The following SEMA3E variants were observed in gnomAD, a reference collection of about 807,000 sequenced individuals.
The protein encoded by SEMA3E is semaphorin 3E.
A neutral mutation model predicts 93.6 loss-of-function variants in SEMA3E; 49 were observed. That is an observed-to-expected ratio of 0.52 (90% CI 0.42 to 0.66). The LOEUF is 0.66. Ranked by LOEUF, SEMA3E falls within the 30% of genes least tolerant of loss-of-function variation. The pLI, the probability that SEMA3E is intolerant of heterozygous loss-of-function variation, is 0.00. For missense variants in SEMA3E, 906 were observed against 964.8 expected (o/e 0.94, Z 0.81); for synonymous variants, 363 against 330.7 (o/e 1.10, Z -1.06).
rs75210759 is a variant in SEMA3E, at chr7:83,410,349, A to G, written c.551-1862T>C. ...AATTTTCAAGATCACAGAGTTTTTAAAAAGATATATTTGTTGAGTTCTTCT... is the reference window on the plus strand; with the variant it reads ...AATTTTCAAGATCACAGAGTTTTTAGAAAGATATATTTGTTGAGTTCTTCT... On this transcript the variant is annotated intron_variant, in intron 5 of 16. Coordinates refer to ENST00000643230, the MANE Select transcript of SEMA3E (RefSeq NM_012431.3). 6.1e-3 allele frequency among the ~76,000 whole-genome samples: 934 copies of G among 152,104 alleles called. 15 individuals are homozygous for G. Among genetic ancestry groups the G allele is most frequent in the African/African-American group, 0.021 (891 of 41,534 alleles).
At chr7:83,549,646 C>T (rs1047112770) in intron 1 of SEMA3E, among the ~76,000 whole-genome samples, 6 of 151,916 alleles carry the variant, frequency 3.9e-5, no homozygotes, top group Non-Finnish European at 7.4e-5. Flanking sequence ...ACATTTTCAC[C>T]AATATTACTA....
At chr7:83,468,055 G>C (rs1287338744) in intron 3 of SEMA3E, among the ~76,000 whole-genome samples, 1 of 152,232 alleles carries the variant, frequency 6.6e-6, no homozygotes, top group Non-Finnish European at 1.5e-5. Flanking sequence ...ATCAATACAT[G>C]CAATCATCAG....
At chr7:83,475,901 A>G (rs1317933082) in intron 2 of SEMA3E, among the ~76,000 whole-genome samples, 6 of 152,218 alleles carry the variant, frequency 3.9e-5, no homozygotes, top group Non-Finnish European at 7.3e-5. Context: ...TAACAAAACT[A>G]TTCTTTCAGG....
intron 1 of SEMA3E, among the ~76,000 whole-genome samples, chr7:83,596,264 C>G (rs1014919961): frequency 1.2e-4 from 18 of 151,792 alleles, no homozygotes; most frequent in African/African-American, 4.4e-4. Context: ...TCTTTTCTGT[C>G]TTTTTCCTTC....
chr7:83,611,560 A>G (rs1793265842), intron 1 of SEMA3E, among the ~76,000 whole-genome samples: 1 of 151,300 alleles, frequency 6.6e-6, no homozygotes, highest in Non-Finnish European at 1.5e-5. Flanking sequence ...AGGAAATGAC[A>G]GCTTCAATCT....
intron 2 of SEMA3E, 93 bp from the exon 3 acceptor site, chr7:83,469,395 T>G: frequency 1.4e-6 from 1 of 691,960 alleles, no homozygotes; most frequent in South Asian, 1.8e-5. Context: ...TTCAAAACAT[T>G]TCCTTTTTTT....
At chr7:83,474,095 T>TAAAAAAAAAAA (rs11324407) in intron 2 of SEMA3E, among the ~76,000 whole-genome samples, 1 of 108,594 alleles carries the variant, frequency 9.2e-6, no homozygotes, top group Non-Finnish European at 1.9e-5. Flanking sequence ...CTATCTCAAT[T>TAAAAAAAAAAA]AAAAAAAAAA....
chr7:83,605,355 T>C (rs61236950), intron 1 of SEMA3E, among the ~76,000 whole-genome samples: 32,210 of 151,974 alleles, frequency 0.21, 3,687 homozygotes, highest in East Asian at 0.37. Flanking sequence ...CTCGTTGTGG[T>C]TTTTATTTGC....
chr7:83,399,596 A>G (rs1244185147), intron 11 of SEMA3E, among the ~76,000 whole-genome samples: 1 of 152,192 alleles, frequency 6.6e-6, no homozygotes, highest in Non-Finnish European at 1.5e-5. Flanking sequence ...ATGACACTCT[A>G]CTTCCACTAT....
intron 16 of SEMA3E, chr7:83,372,413 A>C: frequency 2.5e-6 from 1 of 395,690 alleles, no homozygotes; most frequent in Non-Finnish European, 4.5e-6. Context: ...TTTCCAGCAT[A>C]TAGCAAGCAG....
At chr7:83,458,988 C>T (rs914649761) in intron 4 of SEMA3E, among the ~76,000 whole-genome samples, 22 of 97,882 alleles carry the variant, frequency 2.2e-4, no homozygotes, top group Non-Finnish European at 3.4e-4. Context: ...TATATATATA[C>T]ACACACTGAA....
At chr7:83,520,088 T>C (rs758115872) in intron 1 of SEMA3E, among the ~76,000 whole-genome samples, 11 of 152,294 alleles carry the variant, frequency 7.2e-5, no homozygotes, top group Middle Eastern at 6.8e-3. Flanking sequence ...TCATTGGCCC[T>C]GCTAGGGTGG....
chr7:83,561,352 A>T (rs1318850125), intron 1 of SEMA3E, among the ~76,000 whole-genome samples: 1 of 152,094 alleles, frequency 6.6e-6, no homozygotes, highest in Non-Finnish European at 1.5e-5. Flanking sequence ...AATGTTTCCC[A>T]TAGGGTTCTC....
chr7:83,432,272 G>GTTTTTTTTTTT (rs61299855), intron 4 of SEMA3E, among the ~76,000 whole-genome samples: 1 of 146,688 alleles, frequency 6.8e-6, no homozygotes, highest in Non-Finnish European at 1.5e-5. Context: ...GCATTTGAGG[G>GTTTTTTTTTTT]TTTTTTTTTT....
intron 1 of SEMA3E, among the ~76,000 whole-genome samples, chr7:83,522,475 C>G (rs1420796822): frequency 6.6e-6 from 1 of 152,050 alleles, no homozygotes; most frequent in Non-Finnish European, 1.5e-5. Context: ...CTAAAGTTCA[C>G]TGTAGGATCA....
chr7:83,427,149 A>C (rs1788788391), intron 4 of SEMA3E, among the ~76,000 whole-genome samples: 1 of 152,068 alleles, frequency 6.6e-6, no homozygotes, highest in African/African-American at 2.4e-5. Flanking sequence ...TTGCTAACTA[A>C]GGATTCCCTT....
At chr7:83,644,664 C>T (rs1214348635) in intron 1 of SEMA3E, among the ~76,000 whole-genome samples, 3 of 151,804 alleles carry the variant, frequency 2.0e-5, no homozygotes, top group Non-Finnish European at 2.9e-5. Context: ...GTGGGGAGTA[C>T]AGAGCTGGAG....
intron 1 of SEMA3E, among the ~76,000 whole-genome samples, chr7:83,554,762 G>A (rs1030137924): frequency 5.9e-5 from 9 of 152,100 alleles, no homozygotes; most frequent in Non-Finnish European, 1.3e-4. Context: ...AGATCACGAG[G>A]TCAGGAGATG....
chr7:83,620,311 G>T (rs1331396497), intron 1 of SEMA3E, among the ~76,000 whole-genome samples: 2 of 151,878 alleles, frequency 1.3e-5, no homozygotes, highest in East Asian at 1.9e-4. Flanking sequence ...CTAATATTGA[G>T]AATAAAAATC....
Sources: gnomAD v4.1 joint callset for allele counts (sites outside exome capture counted in the v4.1 genomes callset) on GRCh38, gnomAD v4.1.1 for gene constraint, MANE v1.5 for transcripts, NCBI Gene and HGNC (gene_info 2026-07-23, HGNC 2026-07-21) for gene names.